The following DNAJC3 variants were observed in gnomAD, a reference collection of about 807,000 sequenced individuals.
DNAJC3 encodes dnaJ homolog subfamily C member 3.
In DNAJC3, 38 loss-of-function variants were observed where a neutral mutation model predicts 68.6. The observed-to-expected ratio is 0.55, with a 90% confidence interval of 0.43 to 0.73. DNAJC3 has a LOEUF of 0.73. Among genes scored for constraint, DNAJC3 ranks in the 30% least tolerant of loss-of-function variants. The pLI is 0.00. For missense variants in DNAJC3, 526 were observed against 591.9 expected, an observed-to-expected ratio of 0.89 and a Z score of 1.16; for synonymous variants, 203 against 204.0, an observed-to-expected ratio of 1.00 and a Z score of 0.04.
At chr13:95,685,843 G>T (rs1014123012) in intron 1 of DNAJC3, among the ~76,000 whole-genome samples, 7 of 151,494 alleles carry the variant, frequency 4.6e-5, no homozygotes, top group Non-Finnish European at 1.0e-4. Flanking sequence ...TGTGTAAGAT[G>T]ATTGATATTT....
At chr13:95,754,212 C>G (rs543373748) in intron 4 of DNAJC3, among the ~76,000 whole-genome samples, 3 of 152,126 alleles carry the variant, frequency 2.0e-5, no homozygotes, top group Non-Finnish European at 4.4e-5. Context: ...GTAAACGATC[C>G]GCCCCTAAAC....
intron 9 of DNAJC3, among the ~76,000 whole-genome samples, chr13:95,779,924 TAA>T (rs200059421): frequency 6.6e-6 from 1 of 151,776 alleles, no homozygotes; most frequent in Non-Finnish European, 1.5e-5. Flanking sequence ...TTGTGCCAGT[TAA>T]AAAAAAATTA....
At chr13:95,698,828 T>A (rs532372030) in intron 1 of DNAJC3, among the ~76,000 whole-genome samples, 1 of 152,202 alleles carries the variant, frequency 6.6e-6, no homozygotes, top group Non-Finnish European at 1.5e-5. Flanking sequence ...TAGTTTTTTA[T>A]AGGAGTATAA....
At chr13:95,766,375 A>G (rs770154112) in intron 9 of DNAJC3, among the ~76,000 whole-genome samples, 1 of 152,244 alleles carries the variant, frequency 6.6e-6, no homozygotes, top group Non-Finnish European at 1.5e-5. Context: ...AACTCTTCAG[A>G]TCGCTACATG....
chr13:95,773,474 A>G (rs1446161832), intron 9 of DNAJC3, among the ~76,000 whole-genome samples: 1 of 151,546 alleles, frequency 6.6e-6, no homozygotes, highest in African/African-American at 2.4e-5. Flanking sequence ...ACCTGGCCTT[A>G]TTTAGTTTTA....
intron 2 of DNAJC3, among the ~76,000 whole-genome samples, chr13:95,722,111 C>T (rs1205686518): frequency 2.0e-5 from 3 of 152,158 alleles, no homozygotes; most frequent in African/African-American, 7.2e-5. Context: ...AAGGATTGTT[C>T]TGCAGCAGAT....
intron 11 of DNAJC3, among the ~76,000 whole-genome samples, chr13:95,789,427 A>G (rs1354587592): frequency 6.6e-6 from 1 of 152,138 alleles, no homozygotes; most frequent in African/African-American, 2.4e-5. Context: ...TTCCTGCATT[A>G]GTTTGCTAAG....
At chr13:95,755,105 A>G (rs868584793) in intron 4 of DNAJC3, among the ~76,000 whole-genome samples, 9 of 152,194 alleles carry the variant, frequency 5.9e-5, no homozygotes, top group African/African-American at 2.2e-4. Context: ...GTGTAGAGAA[A>G]ACAAGGGGGT....
intron 4 of DNAJC3, among the ~76,000 whole-genome samples, chr13:95,740,546 A>G (rs1290492214): frequency 2.6e-5 from 4 of 152,206 alleles, no homozygotes; most frequent in Non-Finnish European, 4.4e-5. Context: ...GGAAAAGCGC[A>G]GTATTCGGGT....
chr13:95,702,392 G>A (rs893934837), intron 1 of DNAJC3, among the ~76,000 whole-genome samples: 2 of 152,182 alleles, frequency 1.3e-5, no homozygotes, highest in Admixed American at 6.5e-5. Flanking sequence ...GTGCCTTTGT[G>A]CACATATTTG....
At chr13:95,759,732 A>G (rs1882764959) in intron 5 of DNAJC3, among the ~76,000 whole-genome samples, 1 of 152,176 alleles carries the variant, frequency 6.6e-6, no homozygotes. Flanking sequence ...AGTAAATGCT[A>G]TGTTTTCTTA....
chr13:95,686,072 C>T, intron 1 of DNAJC3, among the ~76,000 whole-genome samples: 1 of 152,094 alleles, frequency 6.6e-6, no homozygotes, highest in South Asian at 2.1e-4. Flanking sequence ...CGCCATTCTC[C>T]TGCCTCAGCC....
chr13:95,758,942 T>G (rs954082714), intron 5 of DNAJC3, among the ~76,000 whole-genome samples: 1 of 152,220 alleles, frequency 6.6e-6, no homozygotes, highest in African/African-American at 2.4e-5. Context: ...TTGTTTATGC[T>G]TTTTTAAGGA....
chr13:95,785,243 T>C (rs1474307591), intron 9 of DNAJC3, among the ~76,000 whole-genome samples: 1 of 152,124 alleles, frequency 6.6e-6, no homozygotes, highest in Non-Finnish European at 1.5e-5. Context: ...CAGGCCGATT[T>C]TCTTTATCAC....
intron 9 of DNAJC3, among the ~76,000 whole-genome samples, chr13:95,783,622 C>T (rs1163948982): frequency 1.3e-5 from 2 of 152,140 alleles, no homozygotes; most frequent in Non-Finnish European, 2.9e-5. Context: ...TGCACTGATG[C>T]GAGAATTCAC....
chr13:95,694,216 C>A (rs1255071821), intron 1 of DNAJC3: 1 of 152,406 alleles, frequency 6.6e-6, no homozygotes, highest in Non-Finnish European at 1.5e-5. Context: ...TATTAATAAC[C>A]CTAATGATAA....
intron 1 of DNAJC3, among the ~76,000 whole-genome samples, chr13:95,707,973 G>A (rs1880813968): frequency 6.6e-6 from 1 of 152,178 alleles, no homozygotes; most frequent in Non-Finnish European, 1.5e-5. Flanking sequence ...AGGGAGTCCA[G>A]GTGCTTCTGT....
intron 2 of DNAJC3, among the ~76,000 whole-genome samples, chr13:95,709,628 C>CTTTTTTTTTTTTTTTTTTTTTTT (rs955053415): frequency 8.9e-6 from 1 of 112,180 alleles, no homozygotes. Flanking sequence ...TGGCTTCTGA[C>CTTTTTTTTTTTTTTTTTTTTTTT]TTTTTTTTTT....
intron 4 of DNAJC3, among the ~76,000 whole-genome samples, chr13:95,757,229 AT>A (rs35196057): frequency 6.6e-6 from 1 of 152,042 alleles, no homozygotes; most frequent in Admixed American, 6.6e-5. Context: ...GTGTTTCATT[AT>A]TTTGGTTATT....
Sources: gnomAD v4.1 joint callset for allele counts (sites outside exome capture counted in the v4.1 genomes callset) on GRCh38, gnomAD v4.1.1 for gene constraint, MANE v1.5 for transcripts, NCBI Gene and HGNC (gene_info 2026-07-23, HGNC 2026-07-21) for gene names.